TRMT13: variants seen among roughly 807,000 people sequenced by gnomAD.
The protein encoded by TRMT13 is tRNA:m(4)X modification enzyme TRM13 homolog.
In TRMT13, 45 loss-of-function variants were observed where a neutral mutation model predicts 55.9. The ratio of observed to expected loss-of-function variants is 0.80; its 90% confidence interval spans 0.63 to 1.03. The LOEUF (loss-of-function observed/expected upper bound fraction) is 1.03. Among genes scored for constraint, TRMT13 ranks in the 50% least tolerant of loss-of-function variants. The pLI is 0.00. For missense variants in TRMT13, 513 were observed against 563.9 expected, an observed-to-expected ratio of 0.91 and a Z score of 0.91; for synonymous variants, 183 against 196.3, an observed-to-expected ratio of 0.93 and a Z score of 0.57.
intron 8 of TRMT13, among the ~76,000 whole-genome samples, chr1:100,143,709 A>G (rs1030383082): frequency 4.6e-5 from 7 of 152,154 alleles, no homozygotes; most frequent in Non-Finnish European, 1.0e-4. Flanking sequence ...AAACTCCTCA[A>G]TCAACCTCTG....
intron 7 of TRMT13, 149 bp downstream of exon 7, chr1:100,141,168 G>A: frequency 1.5e-6 from 1 of 674,300 alleles, no homozygotes; most frequent in East Asian, 3.0e-5. Flanking sequence ...TAATTGTATT[G>A]ATAACTCAAA....
chr1:100,140,936 T>C lies in TRMT13; in HGVS notation c.586T>C (p.Leu196=). The change falls in exon 7 of 11, where the codon TTA becomes CTA. Residue 196 remains leucine, a synonymous_variant. Coordinates refer to ENST00000370141, the MANE Select transcript of TRMT13 (RefSeq NM_019083.3). ...FVEFGAGKGK[L]SHWVDIALKD... ...TGAGTTTGGAGCGGGAAAGGGAAAA[T>C]TATCTCATTGGGTTGATATTGCCTT... The C allele has an allele frequency of 1.2e-6, 2 of 1,613,840 alleles. No individual in the cohort carries two copies. The highest frequency in any genetic ancestry group is 1.7e-6 in the Non-Finnish European group (2 of 1,179,850).
In TRMT13 at chr1:100,149,415, G is replaced by A; in HGVS notation, c.*595G>A. ...GTATATATTGTCAGAATCTGTCCAT[G>A]ACAAACACAAAACTGAAGAGCTGTT... On this transcript the variant is annotated 3_prime_UTR_variant, in exon 11 of 11. Coordinates refer to ENST00000370141, the MANE Select transcript of TRMT13 (RefSeq NM_019083.3). The A allele has an allele frequency of 6.5e-7, 1 of 1,543,912 alleles. No individual in the cohort carries two copies. The highest frequency in any genetic ancestry group is 8.7e-7 in the Non-Finnish European group (1 of 1,144,686).
intron 1 of TRMT13, among the ~76,000 whole-genome samples, chr1:100,133,910 G>C (rs970509184): frequency 2.0e-5 from 3 of 151,784 alleles, no homozygotes; most frequent in Admixed American, 1.3e-4. Context: ...GCCGTGGCGC[G>C]AGCTACTAAA....
intron 7 of TRMT13, chr1:100,142,844 T>C: frequency 2.9e-6 from 1 of 339,416 alleles, no homozygotes; most frequent in Non-Finnish European, 5.4e-6. Context: ...ATAAAGGAGC[T>C]AGTAGACAAT....
intron 7 of TRMT13, among the ~76,000 whole-genome samples, chr1:100,142,075 G>A (rs2101732800): frequency 6.6e-6 from 1 of 152,298 alleles, no homozygotes; most frequent in Admixed American, 6.5e-5. Flanking sequence ...TTAGTTCTTG[G>A]CTTTGAGGAA....
rs776112672 is a variant in TRMT13, at chr1:100,133,279, G to A, written c.111G>A (p.Gly37=). The A allele has an allele frequency of 6.2e-7, 1 of 1,614,018 alleles. No individual in the cohort carries two copies. The highest frequency in any genetic ancestry group is 2.2e-5 in the East Asian group (1 of 44,874). The part of the protein sequence containing the change: ...KRFCRMVVAA[G]KRFCGEHAGA... ...TCTGCAGGATGGTGGTGGCCGCAGG[G>A]AAAAGATTTTGTGGTGAACACGCTG... Residue 37 remains glycine, a synonymous_variant, in exon 1 of 11, where the codon GGG becomes GGA. Transcript: ENST00000370141.
At chr1:100,138,434 T>C (rs1019665743) in intron 3 of TRMT13, among the ~76,000 whole-genome samples, 9 of 152,226 alleles carry the variant, frequency 5.9e-5, no homozygotes, top group African/African-American at 2.2e-4. Context: ...TTTTCCGTTA[T>C]CCAGTAAAAC....
chr1:100,140,115 T>G, intron 4 of TRMT13, 67 bp from the exon 5 acceptor site: 1 of 1,029,934 alleles, frequency 9.7e-7, no homozygotes, highest in Non-Finnish European at 1.5e-6. Flanking sequence ...AAACCTCTAC[T>G]CAGTCTCTGT....
intron 7 of TRMT13, among the ~76,000 whole-genome samples, chr1:100,142,742 G>A (rs971330988): frequency 2.0e-5 from 3 of 152,274 alleles, no homozygotes; most frequent in Middle Eastern, 3.4e-3. Flanking sequence ...TCAGCCGGTC[G>A]TGGGCACATA....
chr1:100,148,268 G>A lies in TRMT13; in HGVS notation c.1192G>A (p.Glu398Lys), dbSNP rs1197705610. ...GCAAGATAATCAGAATGATGATAGT[G>A]AAGAGCATGATGATGGAGGATACAG... The part of the protein sequence containing the change: ...KRQDNQNDDS[E>K]EHDDGGYRIT... The change falls in exon 10 of 11, where the codon GAA becomes AAA. Residue 398 changes from glutamate (E) to lysine (K), a missense_variant. Physicochemically the swap from Glu to Lys is moderately conservative, Grantham distance 56. This residue lies in a region of TRMT13 where 209 missense variants were observed against 255.8 expected (regional missense o/e 0.82). Transcript: ENST00000370141. 1.2e-6 allele frequency: 2 copies of A among 1,614,168 alleles called. No homozygotes were observed. The highest frequency in any genetic ancestry group is 1.7e-6 in the Non-Finnish European group (2 of 1,180,024).
At chr1:100,137,226 C>CA in intron 3 of TRMT13, 141 bp downstream of exon 3, 1 of 659,354 alleles carries the variant, frequency 1.5e-6, no homozygotes, top group Non-Finnish European at 2.5e-6. Context: ...GATAGGGTCT[C>CA]ACTCTGTCAC....
intron 1 of TRMT13, among the ~76,000 whole-genome samples, chr1:100,136,430 T>C (rs1486763814): frequency 6.6e-6 from 1 of 152,208 alleles, no homozygotes; most frequent in Non-Finnish European, 1.5e-5. Flanking sequence ...ATTAAAACCA[T>C]ACATAAATAA....
intron 7 of TRMT13, 158 bp from the exon 8 acceptor site, chr1:100,142,977 AAG>A: frequency 1.8e-6 from 1 of 558,170 alleles, no homozygotes; most frequent in Non-Finnish European, 3.1e-6. Context: ...CTTTTTTAAA[AAG>A]TGTGATATTT....
intron 4 of TRMT13, 41 bp from the exon 5 acceptor site, chr1:100,140,141 C>A: frequency 6.9e-7 from 1 of 1,452,760 alleles, no homozygotes; most frequent in Non-Finnish European, 9.5e-7. Flanking sequence ...TACTTTAAAG[C>A]AATTTTTGGC....
chr1:100,142,973 T>A (rs1053027410), intron 7 of TRMT13, 164 bp from the exon 8 acceptor site: 82 of 555,976 alleles, frequency 1.5e-4, no homozygotes, highest in African/African-American at 7.6e-5. Flanking sequence ...AAATCTTTTT[T>A]AAAAAGTGTG....
rs1656373916 is a variant in TRMT13, at chr1:100,139,846, G to T, written c.324+135G>T. The T allele has an allele frequency of 1.3e-5, 8 of 619,190 alleles. No homozygotes were observed. In the South Asian group the frequency reaches 1.8e-4, roughly 14 times the overall value. 38.4% of individuals were successfully genotyped at this position (619,190 alleles called of 1,614,324 possible). A position where few individuals can be genotyped will look rare whatever the true frequency, so the allele number is the denominator to read the frequency against. On this transcript the variant is annotated intron_variant, in intron 4 of 10. Transcript: ENST00000370141. ...TGCATTTTCCTGTAGACTTAATATT[G>T]TTAGTGATGGTTAGTTCCTAGACCC...
chr1:100,143,046 G>C, intron 7 of TRMT13, 91 bp from the exon 8 acceptor site: 2 of 814,900 alleles, frequency 2.5e-6, no homozygotes, highest in South Asian at 3.5e-5. Flanking sequence ...CTGTTGCTCT[G>C]AATTTTGAAA....
intron 3 of TRMT13, among the ~76,000 whole-genome samples, chr1:100,139,092 G>A (rs1422387333): frequency 2.0e-5 from 3 of 152,168 alleles, no homozygotes; most frequent in Admixed American, 2.0e-4. Flanking sequence ...GAGCCACTGT[G>A]CCTGGCTTCA....
Sources: gnomAD v4.1 joint callset for allele counts (sites outside exome capture counted in the v4.1 genomes callset) on GRCh38, gnomAD v4.1.1 for gene constraint, gnomAD v4.1.1 regional missense constraint, MANE v1.5 for transcripts, NCBI Gene and HGNC (gene_info 2026-07-23, HGNC 2026-07-21) for gene names.